Variants in NAV3 observed in about 807,000 individuals in gnomAD.
The protein encoded by NAV3 is pore membrane and/or filament interacting like protein 1.
In NAV3, 87 loss-of-function variants were observed where a neutral mutation model predicts 244.7. The ratio of observed to expected loss-of-function variants is 0.36; its 90% CI spans 0.30 to 0.42. The LOEUF (loss-of-function observed/expected upper bound fraction) is 0.42. NAV3 is among the 20% of genes least tolerant of loss of function. The probability of loss-of-function intolerance (pLI) is 1.00; values close to 1 mark genes in which losing one functional copy is unlikely to be tolerated. For synonymous variants in NAV3, 1,126 were observed against 1,042.2 expected, an observed-to-expected ratio of 1.08 and a Z score of -1.55; for missense variants, 2,663 against 2,893.3, an observed-to-expected ratio of 0.92 and a Z score of 1.83.
At chr12:77,720,621 C>G (rs1336289913) in intron 2 of NAV3, among the ~76,000 whole-genome samples, 1 of 152,134 alleles carries the variant, frequency 6.6e-6, no homozygotes, top group Non-Finnish European at 1.5e-5. Context: ...CCTCAAAAAC[C>G]AGAATGTTAG....
chr12:77,770,273 T>C (rs1870010705), intron 2 of NAV3, among the ~76,000 whole-genome samples: 2 of 152,256 alleles, frequency 1.3e-5, no homozygotes, highest in South Asian at 4.1e-4. Flanking sequence ...GAAGCTAAGG[T>C]ACCTGTGGCA....
intron 2 of NAV3, among the ~76,000 whole-genome samples, chr12:77,642,527 C>T (rs1488136936): frequency 6.6e-6 from 1 of 151,910 alleles, no homozygotes; most frequent in Non-Finnish European, 1.5e-5. Context: ...TTTTCATTAC[C>T]CCTTTTGTGT....
At chr12:78,194,800 T>C (rs966249228) in intron 34 of NAV3, among the ~76,000 whole-genome samples, 1 of 152,144 alleles carries the variant, frequency 6.6e-6, no homozygotes, top group African/African-American at 2.4e-5. Context: ...TCTGACTGGT[T>C]ATTCTTCTCT....
intron 2 of NAV3, among the ~76,000 whole-genome samples, chr12:77,591,678 T>C (rs146018944): frequency 1.8e-3 from 274 of 152,322 alleles, no homozygotes; most frequent in Non-Finnish European, 2.7e-3. Context: ...TAGATGTGCA[T>C]GTTTAAAAAT....
chr12:77,577,744 T>C (rs1182175203), intron 2 of NAV3, among the ~76,000 whole-genome samples: 1 of 152,178 alleles, frequency 6.6e-6, no homozygotes, highest in African/African-American at 2.4e-5. Flanking sequence ...TATTAACATA[T>C]AAAGTTTTCT....
chr12:78,079,108 C>G (rs767079393), intron 12 of NAV3, among the ~76,000 whole-genome samples: 1 of 152,110 alleles, frequency 6.6e-6, no homozygotes, highest in African/African-American at 2.4e-5. Context: ...GTGAGTATGC[C>G]TTGGTGTTAG....
At chr12:78,121,856 G>A (rs1955682674) in intron 15 of NAV3, 84 bp from the exon 16 acceptor site, 2 of 1,525,926 alleles carry the variant, frequency 1.3e-6, no homozygotes, top group East Asian at 2.3e-5. Flanking sequence ...AAGCACACTT[G>A]GCTCTGTGTA....
intron 1 of NAV3, among the ~76,000 whole-genome samples, chr12:77,919,652 T>A (rs1421665419): frequency 6.6e-6 from 1 of 152,076 alleles, no homozygotes; most frequent in Admixed American, 6.6e-5. Context: ...TTGAAGGACA[T>A]CTTTATATCT....
At chr12:77,941,997 T>G (rs769437992) in intron 3 of NAV3, among the ~76,000 whole-genome samples, 17 of 152,236 alleles carry the variant, frequency 1.1e-4, no homozygotes, top group Non-Finnish European at 2.1e-4. Context: ...TATACTGACC[T>G]ACTTTACTTA....
At chr12:78,185,846 G>A (rs1321568650) in intron 31 of NAV3, 148 bp downstream of exon 31, 1 of 627,496 alleles carries the variant, frequency 1.6e-6, no homozygotes, top group Non-Finnish European at 2.7e-6. Context: ...ACATGAAAAG[G>A]ACAATAAAAT....
intron 2 of NAV3, among the ~76,000 whole-genome samples, chr12:77,813,622 C>A: frequency 6.6e-6 from 1 of 151,978 alleles, no homozygotes; most frequent in African/African-American, 2.4e-5. Flanking sequence ...TTGATAATAA[C>A]CTGAGAGAAA....
intron 2 of NAV3, among the ~76,000 whole-genome samples, chr12:77,821,479 G>A (rs1244206535): frequency 6.6e-6 from 1 of 152,120 alleles, no homozygotes; most frequent in Admixed American, 6.6e-5. Context: ...GATTCTGAAG[G>A]GGTAAGAGCA....
chr12:78,032,627 A>G (rs1216916657), intron 9 of NAV3, among the ~76,000 whole-genome samples: 1 of 152,188 alleles, frequency 6.6e-6, no homozygotes, highest in Non-Finnish European at 1.5e-5. Flanking sequence ...GAAATGTATT[A>G]TATAATTTCT....
intron 2 of NAV3, among the ~76,000 whole-genome samples, chr12:77,653,055 A>G (rs1260348649): frequency 6.6e-6 from 1 of 152,252 alleles, no homozygotes; most frequent in Non-Finnish European, 1.5e-5. Flanking sequence ...TACAGAAGAT[A>G]AAACAGATTT....
intron 12 of NAV3, among the ~76,000 whole-genome samples, chr12:78,082,714 C>T (rs1953421877): frequency 6.6e-6 from 1 of 152,178 alleles, no homozygotes; most frequent in South Asian, 2.1e-4. Context: ...TCCAAATTCT[C>T]TACTTTTAAA....
intron 1 of NAV3, among the ~76,000 whole-genome samples, chr12:77,877,492 C>A (rs1882004466): frequency 6.6e-6 from 1 of 151,988 alleles, no homozygotes; most frequent in Non-Finnish European, 1.5e-5. Context: ...AATAGCTTGA[C>A]TGGATATAAA....
intron 1 of NAV3, among the ~76,000 whole-genome samples, chr12:77,851,553 A>G (rs1367258367): frequency 6.6e-6 from 1 of 152,182 alleles, no homozygotes; most frequent in Non-Finnish European, 1.5e-5. Context: ...AATATTAAGC[A>G]ATCAATTATT....
Position 78,176,472 on chromosome 12 carries a change from C to T in NAV3, c.5124+13C>T, listed in dbSNP as rs780097453. ...TAGAGGAAGTGAGGTGAATATAAAC[C>T]GTGGACAATTTGGCATGCATCTATA... On this transcript the variant is annotated intron_variant, in intron 26 of 39. Coordinates refer to ENST00000397909, the MANE Select transcript of NAV3 (RefSeq NM_001024383.2). 5.0e-5 allele frequency: 81 copies of T among 1,611,946 alleles called. No homozygotes were observed. Among genetic ancestry groups the T allele is most frequent in the East Asian group, 6.7e-5 (3 of 44,592 alleles).
intron 28 of NAV3, among the ~76,000 whole-genome samples, chr12:78,178,318 C>T (rs1226326041): frequency 6.6e-6 from 1 of 151,780 alleles, no homozygotes; most frequent in African/African-American, 2.4e-5. Context: ...CACCACCACA[C>T]CTGGCTAATT....
Sources: gnomAD v4.1 joint callset for allele counts (sites outside exome capture counted in the v4.1 genomes callset) on GRCh38, gnomAD v4.1.1 for gene constraint, MANE v1.5 for transcripts, NCBI Gene and HGNC (gene_info 2026-07-23, HGNC 2026-07-21) for gene names.